The following YWHAQ variants were observed in gnomAD, a reference collection of about 807,000 sequenced individuals.
YWHAQ encodes the protein 14-3-3 protein theta.
In YWHAQ, 6 loss-of-function variants were observed where a neutral mutation model predicts 28.3. That is an observed-to-expected ratio of 0.21 (90% CI 0.12 to 0.42). The LOEUF (loss-of-function observed/expected upper bound fraction) is 0.42. YWHAQ is among the 10% of genes least tolerant of loss of function. YWHAQ has a pLI of 1.00. For synonymous variants in YWHAQ, 143 were observed against 119.1 expected, an observed-to-expected ratio of 1.20 and a Z score of -1.31; for missense variants, 201 against 305.6, an observed-to-expected ratio of 0.66 and a Z score of 2.55.
chr2:9,622,952 G>T (rs1464536401), intron 2 of YWHAQ, among the ~76,000 whole-genome samples: 1 of 152,160 alleles, frequency 6.6e-6, no homozygotes, highest in African/African-American at 2.4e-5. Flanking sequence ...ATTCAGATAC[G>T]TTTTCTGTTG....
intron 4 of YWHAQ, among the ~76,000 whole-genome samples, 162 bp from the exon 5 acceptor site, chr2:9,587,671 T>A (rs1470187140): frequency 6.6e-6 from 1 of 152,246 alleles, no homozygotes; most frequent in Non-Finnish European, 1.5e-5. Context: ...TAAGAACTTA[T>A]GAGTATGACT....
Position 9,630,362 on chromosome 2 carries a change from C to G in YWHAQ, c.91G>C (p.Glu31Gln), listed in dbSNP as rs758380692. The change falls in exon 2 of 6, where the codon GAG (glutamate) becomes CAG (glutamine). Residue 31 changes from glutamate (E) to glutamine (Q), a missense_variant. Around this residue, in one of 2 missense-constraint regions of YWHAQ, gnomAD observed 162 missense variants for 213.9 expected, o/e 0.76. Coordinates refer to ENST00000238081, the MANE Select transcript of YWHAQ (RefSeq NM_006826.4). The surrounding 1 kb of genome is among the most constrained non-coding windows in gnomAD (Gnocchi z 5.6). ...TCGTTGGACAGCTCGGCGCCCTGCT[C>G]GGTCACTGCCTTCATGCAGGTGGCC... is the stretch of plus-strand genomic sequence containing the variant. ...DMATCMKAVT[E>Q]QGAELSNEER... The G allele has an allele frequency of 3.1e-6, 5 of 1,614,114 alleles. No individual in the cohort carries two copies. The highest frequency in any genetic ancestry group is 4.2e-6 in the Non-Finnish European group (5 of 1,180,034).
At chr2:9,601,750 A>G (rs1484195634) in intron 2 of YWHAQ, among the ~76,000 whole-genome samples, 2 of 152,042 alleles carry the variant, frequency 1.3e-5, no homozygotes, top group African/African-American at 2.4e-5. Flanking sequence ...GGTTCAAGCG[A>G]TTCTCCGGCC....
At chr2:9,611,168 G>C (rs938312299) in intron 2 of YWHAQ, among the ~76,000 whole-genome samples, 1 of 152,190 alleles carries the variant, frequency 6.6e-6, no homozygotes, top group Non-Finnish European at 1.5e-5. Flanking sequence ...GTCTAAAAAA[G>C]TGTGAACCAC....
chr2:9,605,376 C>G lies in YWHAQ; in HGVS notation c.295-13861G>C, dbSNP rs561337736. Among the ~76,000 whole-genome samples, 4 of 152,200 alleles carry G rather than the reference C, an allele frequency of 2.6e-5. No individual in the cohort carries two copies. In the East Asian group the frequency reaches 7.7e-4, roughly 29 times the overall value. On this transcript the variant is annotated intron_variant, in intron 2 of 5. Transcript: ENST00000238081. ...CTGGTAACTACTGAGCTCAAGTGAT[C>G]CTCCCACGTCAGCCTCTCAAAGTGC...
intron 2 of YWHAQ, among the ~76,000 whole-genome samples, chr2:9,626,637 G>C (rs1558552559): frequency 1.3e-5 from 2 of 152,100 alleles, no homozygotes; most frequent in Admixed American, 6.6e-5. Flanking sequence ...CACCATGTTG[G>C]CCAGGCTAGT....
At chr2:9,604,255 GA>G (rs759179129) in intron 2 of YWHAQ, among the ~76,000 whole-genome samples, 2 of 152,076 alleles carry the variant, frequency 1.3e-5, no homozygotes, top group African/African-American at 4.8e-5. Context: ...AATACGGGGG[GA>G]AAAGGTATTC....
intron 2 of YWHAQ, among the ~76,000 whole-genome samples, chr2:9,615,539 G>A (rs1049718445): frequency 4.6e-5 from 7 of 152,144 alleles, no homozygotes; most frequent in Admixed American, 1.3e-4. Flanking sequence ...AATGCTGGAA[G>A]GTCTCAGAGG....
At chr2:9,627,006 C>A (rs537955137) in intron 2 of YWHAQ, among the ~76,000 whole-genome samples, 1 of 152,346 alleles carries the variant, frequency 6.6e-6, no homozygotes, top group East Asian at 1.9e-4. Context: ...TTCGGTTTTA[C>A]AATGACACTG....
intron 2 of YWHAQ, among the ~76,000 whole-genome samples, chr2:9,602,434 A>G (rs1048173233): frequency 6.6e-6 from 1 of 152,118 alleles, no homozygotes; most frequent in Non-Finnish European, 1.5e-5. Flanking sequence ...ATAAATAAAA[A>G]TAAGTCCTTT....
chr2:9,586,547 T>C (rs76338877), intron 5 of YWHAQ, among the ~76,000 whole-genome samples: 1,690 of 152,314 alleles, frequency 0.011, 22 homozygotes, highest in Non-Finnish European at 0.017. Flanking sequence ...TAATTTGCTC[T>C]TCCTCTGTAG....
At chr2:9,629,266 T>C (rs1267512372) in intron 2 of YWHAQ, among the ~76,000 whole-genome samples, 2 of 152,212 alleles carry the variant, frequency 1.3e-5, no homozygotes, top group Non-Finnish European at 1.5e-5. Flanking sequence ...TAGAAATGAC[T>C]CTTGGCAGCA....
chr2:9,587,818 C>T (rs1023817869), intron 4 of YWHAQ, among the ~76,000 whole-genome samples: 1 of 152,202 alleles, frequency 6.6e-6, no homozygotes, highest in Admixed American at 6.5e-5. Flanking sequence ...TTTATTCTCT[C>T]GTTTTGAGCC....
At chr2:9,618,005 C>A (rs1283604845) in intron 2 of YWHAQ, among the ~76,000 whole-genome samples, 1 of 151,636 alleles carries the variant, frequency 6.6e-6, no homozygotes. Flanking sequence ...AGAAGCCAGA[C>A]ACAAAACACT....
At chr2:9,589,412 C>T (rs1213608883) in intron 3 of YWHAQ, among the ~76,000 whole-genome samples, 3 of 151,952 alleles carry the variant, frequency 2.0e-5, no homozygotes, top group African/African-American at 4.8e-5. Context: ...GGAGAAACCC[C>T]GTCTCTACTA....
At chr2:9,607,023 T>G (rs980717616) in intron 2 of YWHAQ, among the ~76,000 whole-genome samples, 2 of 151,456 alleles carry the variant, frequency 1.3e-5, no homozygotes, top group African/African-American at 4.9e-5. Flanking sequence ...TAGCTGGGAT[T>G]ACACGTGCGC....
chr2:9,586,269 T>C (rs1484605371), intron 5 of YWHAQ, among the ~76,000 whole-genome samples: 1 of 152,218 alleles, frequency 6.6e-6, no homozygotes, highest in South Asian at 2.1e-4. Flanking sequence ...AGGATCTCTC[T>C]GATTTTAGGA....
intron 2 of YWHAQ, among the ~76,000 whole-genome samples, chr2:9,611,400 A>C (rs935928935): frequency 6.6e-6 from 1 of 152,234 alleles, no homozygotes; most frequent in Non-Finnish European, 1.5e-5. Flanking sequence ...TAAATGAATA[A>C]GCTAACTTTC....
intron 2 of YWHAQ, chr2:9,628,755 A>G (rs879584410): frequency 6.6e-6 from 1 of 152,242 alleles, no homozygotes; most frequent in African/African-American, 2.4e-5. Flanking sequence ...AAAAGCTTTT[A>G]CAAGTGCTTC....
Sources: allele counts gnomAD v4.1 joint callset (sites outside exome capture counted in the v4.1 genomes callset), GRCh38; gene constraint gnomAD v4.1.1; regional missense constraint gnomAD v4.1.1; non-coding constraint Gnocchi (gnomAD v3.1); transcripts MANE v1.5; gene names NCBI Gene and HGNC (gene_info 2026-07-23, HGNC 2026-07-21).